The following GABRB3 variants were observed in gnomAD, a reference collection of about 807,000 sequenced individuals.
GABRB3 encodes the protein gamma-aminobutyric acid type A receptor subunit beta3, also known as gamma-aminobutyric acid receptor subunit beta-3.
GABRB3 carries 14 observed loss-of-function variants against 52.1 expected under a neutral mutation model. The observed-to-expected ratio is 0.27, with a 90% CI of 0.18 to 0.42. The LOEUF is 0.42. GABRB3 is among the 10% of genes least tolerant of loss of function. GABRB3 has a pLI of 1.00. For missense variants in GABRB3, 307 were observed against 609.1 expected (o/e 0.50, Z 5.22); for synonymous variants, 260 against 232.3 (o/e 1.12, Z -1.08).
intron 7 of GABRB3, among the ~76,000 whole-genome samples, chr15:26,561,433 C>T (rs565017742): frequency 4.7e-5 from 7 of 150,454 alleles, no homozygotes; most frequent in Admixed American, 4.6e-4. Context: ...CACCCCCCTG[C>T]CCACTACACC....
chr15:26,769,757 G>C (rs538578858), intron 3 of GABRB3, among the ~76,000 whole-genome samples: 2 of 151,870 alleles, frequency 1.3e-5, no homozygotes, highest in Non-Finnish European at 2.9e-5. Context: ...AGCTTCTCTC[G>C]TCCCTCCTCC....
intron 3 of GABRB3, among the ~76,000 whole-genome samples, chr15:26,706,062 C>T (rs1482099431): frequency 6.6e-6 from 1 of 152,136 alleles, no homozygotes; most frequent in Non-Finnish European, 1.5e-5. Context: ...AATTAAAAAA[C>T]AATAAATAGA....
At chr15:26,630,736 C>T (rs933112943) in intron 3 of GABRB3, among the ~76,000 whole-genome samples, 15 of 152,256 alleles carry the variant, frequency 9.9e-5, no homozygotes, top group African/African-American at 3.1e-4. Flanking sequence ...CTAATGAAAT[C>T]GGGGGCCCTC....
chr15:26,739,532 C>T (rs1018628694), intron 3 of GABRB3, among the ~76,000 whole-genome samples: 3 of 152,054 alleles, frequency 2.0e-5, no homozygotes, highest in African/African-American at 7.2e-5. Flanking sequence ...CACCTTTCTA[C>T]ACCAAATATT....
chr15:26,689,688 C>T (rs1201223931), intron 3 of GABRB3, among the ~76,000 whole-genome samples: 1 of 152,022 alleles, frequency 6.6e-6, no homozygotes, highest in African/African-American at 2.4e-5. Context: ...CCAACCAGAA[C>T]CACTCTGTGC....
intron 3 of GABRB3, among the ~76,000 whole-genome samples, chr15:26,687,839 G>A (rs1050718270): frequency 7.9e-5 from 12 of 152,274 alleles, no homozygotes; most frequent in Non-Finnish European, 1.6e-4. Flanking sequence ...ATTAGAAAAT[G>A]TGTATTTAAA....
rs984999719 is a variant in GABRB3 at position 26,607,624 on chromosome 15, C to T, written c.461+13690G>A. Reference sequence around the variant, plus strand: ...AAAACAAAACAAAACAGTTAAGTTACGGGATATAAAAACAACTTACAAAAA... The same window carrying T: ...AAAACAAAACAAAACAGTTAAGTTATGGGATATAAAAACAACTTACAAAAA... On this transcript the variant is annotated intron_variant, in intron 4 of 8. Coordinates refer to ENST00000311550, the MANE Select transcript of GABRB3 (RefSeq NM_000814.6). Among the ~76,000 whole-genome samples, 8 of 151,336 alleles carry T rather than the reference C, an allele frequency of 5.3e-5. No individual in the cohort carries two copies. The East Asian group carries it at 9.7e-4, about 18-fold the overall frequency.
rs1342133061 is a variant in GABRB3 at position 26,547,351 on chromosome 15, T to C, written c.*442A>G. ...CAAAGATTAACTAAGAATGTCTTTC[T>C]GATTTTTAAACTAAAACATCTAACT... On this transcript the variant is annotated 3_prime_UTR_variant, in exon 9 of 9. Coordinates refer to ENST00000311550, the MANE Select transcript of GABRB3 (RefSeq NM_000814.6). 7 of 411,190 alleles carry C rather than the reference T, an allele frequency of 1.7e-5. No individual in the cohort carries two copies. The highest frequency in any genetic ancestry group is 4.0e-5 in the Admixed American group (1 of 25,056). The allele number at this position is 411,190 out of a possible 1,614,324, so 25.5% of individuals were successfully genotyped here.
At chr15:26,752,676 A>G (rs1890549602) in intron 3 of GABRB3, among the ~76,000 whole-genome samples, 2 of 152,184 alleles carry the variant, frequency 1.3e-5, no homozygotes. Context: ...GTGGAATGGT[A>G]TAATCAAGCG....
At chr15:26,616,066 T>C (rs1212626929) in intron 4 of GABRB3, 5 of 1,289,014 alleles carry the variant, frequency 3.9e-6, no homozygotes, top group South Asian at 3.7e-5. Context: ...AGTACCTATT[T>C]ACCAAAAAGA....
chr15:26,713,661 G>A (rs1028699834), intron 3 of GABRB3, among the ~76,000 whole-genome samples: 1 of 152,228 alleles, frequency 6.6e-6, no homozygotes, highest in East Asian at 1.9e-4. Context: ...AGGAAGGAGT[G>A]AGAACTGGTG....
At chr15:26,624,907 C>G (rs531555307) in intron 3 of GABRB3, 1 of 985,346 alleles carries the variant, frequency 1.0e-6, no homozygotes, top group Non-Finnish European at 1.2e-6. Flanking sequence ...GAGCACTGAG[C>G]CAGGAACAGC....
intron 6 of GABRB3, among the ~76,000 whole-genome samples, chr15:26,576,754 C>A (rs1466645378): frequency 6.6e-6 from 1 of 152,160 alleles, no homozygotes; most frequent in African/African-American, 2.4e-5. Flanking sequence ...GGGGCAGGCA[C>A]TGGACATAGA....
chr15:26,721,123 T>C (rs924353019), intron 3 of GABRB3, among the ~76,000 whole-genome samples: 4 of 152,050 alleles, frequency 2.6e-5, no homozygotes, highest in Non-Finnish European at 4.4e-5. Context: ...GGCTGTGGGA[T>C]TGCAGGGAGT....
chr15:26,610,085 T>A (rs566684355), intron 4 of GABRB3, among the ~76,000 whole-genome samples: 2 of 152,178 alleles, frequency 1.3e-5, no homozygotes, highest in Non-Finnish European at 2.9e-5. Context: ...CACATCATGA[T>A]TGCGTGATCT....
intron 3 of GABRB3, among the ~76,000 whole-genome samples, chr15:26,769,844 C>A (rs1273057580): frequency 6.6e-6 from 1 of 152,156 alleles, no homozygotes; most frequent in Non-Finnish European, 1.5e-5. Flanking sequence ...TGTGAACAAC[C>A]GTTTGTCATA....
chr15:26,662,540 T>C lies in GABRB3; in HGVS notation c.241-41006A>G, dbSNP rs1162471131. The stretch of plus-strand genomic sequence containing the variant: ...GGTTTGTGTAAAACCCCATAATAAT[T>C]AGGCCTCATTACTCTGTGCAGCTCC... On this transcript the variant is annotated intron_variant, in intron 3 of 8. Coordinates refer to ENST00000311550, the MANE Select transcript of GABRB3 (RefSeq NM_000814.6). 2.0e-5 allele frequency among the ~76,000 whole-genome samples: 3 copies of C among 152,178 alleles called. No homozygotes were observed. In the East Asian group the frequency reaches 5.8e-4, roughly 29 times the overall value.
At chr15:26,598,041 C>T (rs1291947339) in intron 4 of GABRB3, among the ~76,000 whole-genome samples, 1 of 152,134 alleles carries the variant, frequency 6.6e-6, no homozygotes, top group African/African-American at 2.4e-5. Flanking sequence ...GTATTAAACA[C>T]TGAACTGAGA....
At chr15:26,753,477 GAAGA>G (rs1027704384) in intron 3 of GABRB3, among the ~76,000 whole-genome samples, 6 of 152,210 alleles carry the variant, frequency 3.9e-5, no homozygotes, top group African/African-American at 1.2e-4. Flanking sequence ...ATTGGAGAAA[GAAGA>G]AAGAGAAGAA....
Sources: gnomAD v4.1 joint callset for allele counts (sites outside exome capture counted in the v4.1 genomes callset) on GRCh38, gnomAD v4.1.1 for gene constraint, MANE v1.5 for transcripts, NCBI Gene and HGNC (gene_info 2026-07-23, HGNC 2026-07-21) for gene names.